RAPGEF6: variants seen among roughly 807,000 people sequenced by gnomAD.
RAPGEF6 encodes the protein PDZ domain containing guanine nucleotide exchange factor (GEF) 2.
Under a neutral mutation model 171.4 loss-of-function variants are expected in RAPGEF6, and 56 were observed. The ratio of observed to expected loss-of-function variants is 0.33; its 90% CI spans 0.26 to 0.41. The LOEUF (loss-of-function observed/expected upper bound fraction) is 0.41, where lower values mean the gene tolerates loss of function less well. Among genes scored for constraint, RAPGEF6 ranks in the 10% least tolerant of loss-of-function variants. The probability of loss-of-function intolerance (pLI) is 1.00; values close to 1 mark genes in which losing one functional copy is unlikely to be tolerated. For synonymous variants in RAPGEF6, 692 were observed against 650.1 expected, an observed-to-expected ratio of 1.06 and a Z score of -0.98; for missense variants, 1,674 against 1,921.4, an observed-to-expected ratio of 0.87 and a Z score of 2.41.
intron 4 of RAPGEF6, among the ~76,000 whole-genome samples, chr5:131,579,747 C>T (rs1164105183): frequency 6.6e-6 from 1 of 152,222 alleles, no homozygotes; most frequent in Admixed American, 6.5e-5. Context: ...GGTGCATTTA[C>T]AAACCTTTAG....
chr5:131,562,644 T>C (rs1224375459), intron 4 of RAPGEF6, among the ~76,000 whole-genome samples: 1 of 152,214 alleles, frequency 6.6e-6, no homozygotes, highest in Non-Finnish European at 1.5e-5. Flanking sequence ...CCATATGCTT[T>C]AAATCAACTT....
Position 131,604,683 on chromosome 5 carries a change from G to A in RAPGEF6, c.80C>T (p.Thr27Ile). Residue 27 changes from threonine (T) to isoleucine (I), a missense_variant, in exon 2 of 28, where the codon ACT becomes ATT. Coordinates refer to ENST00000509018, the MANE Select transcript of RAPGEF6 (RefSeq NM_016340.6). ...PPERTPEDLN[T>I]IYSYLHGMEI... Reference sequence around the variant, plus strand: ...CATTCCATGAAGATAAGAATAAATAGTATTTAAGTCCTGTGGAACAGAAGA... The same window carrying A: ...CATTCCATGAAGATAAGAATAAATAATATTTAAGTCCTGTGGAACAGAAGA... 6.2e-7 allele frequency: 1 copy of A among 1,609,330 alleles called. No individual in the cohort carries two copies. The highest frequency in any genetic ancestry group is 1.1e-5 in the South Asian group (1 of 90,418).
chr5:131,446,654 C>T lies in RAPGEF6; in HGVS notation c.3250G>A (p.Gly1084Ser), dbSNP rs1752719654. ...TNSNMLDVQG[G>S]AHKKRARRSS... ...CGGCGTGCCCTTTTTTTGTGAGCAC[C>T]TCCCTGAACATCCAGCATGTTTGAA... The change falls in exon 22 of 28, where the codon GGT (glycine) becomes AGT (serine). Residue 1084 changes from glycine (G) to serine (S), a missense_variant. Gly to Ser is a moderately conservative substitution (Grantham distance 56). Around this residue, in one of 3 missense-constraint regions of RAPGEF6, gnomAD observed 1,116 missense variants for 1,321.5 expected, o/e 0.84. Coordinates refer to ENST00000509018, the MANE Select transcript of RAPGEF6 (RefSeq NM_016340.6). 6.2e-7 allele frequency: 1 copy of T among 1,614,180 alleles called. No individual in the cohort carries two copies. Among genetic ancestry groups the T allele is most frequent in the Middle Eastern group, 1.6e-4 (1 of 6,062 alleles).
At chr5:131,548,359 A>T (rs1378532148) in intron 5 of RAPGEF6, among the ~76,000 whole-genome samples, 169 bp from the exon 6 acceptor site, 1 of 152,214 alleles carries the variant, frequency 6.6e-6, no homozygotes, top group Non-Finnish European at 1.5e-5. Flanking sequence ...ATTAGAGGTG[A>T]TGTTATTATA....
At chr5:131,611,239 A>C (rs1764916642) in intron 1 of RAPGEF6, among the ~76,000 whole-genome samples, 1 of 152,236 alleles carries the variant, frequency 6.6e-6, no homozygotes, top group Non-Finnish European at 1.5e-5. Context: ...AATTCCTTGC[A>C]TGTCTAATAT....
In RAPGEF6 at chr5:131,471,343, G is replaced by C. The variant is rs76297830; in HGVS notation, c.2239+1244C>G. Among the ~76,000 whole-genome samples the C allele has an allele frequency of 6.3e-3, 956 of 152,272 alleles. 5 individuals carry two copies. The highest frequency in any genetic ancestry group is 0.022 in the African/African-American group (908 of 41,538). On this transcript the variant is annotated intron_variant, in intron 17 of 27. Transcript: ENST00000509018. ...AATATAAAGGAAGAAACCATGTGCAGAATGACCTTCACTAAACTGTTATTA... is the reference window on the plus strand; with the variant it reads ...AATATAAAGGAAGAAACCATGTGCACAATGACCTTCACTAAACTGTTATTA...
At chr5:131,450,661 A>G (rs908585254) in intron 21 of RAPGEF6, among the ~76,000 whole-genome samples, 1 of 152,148 alleles carries the variant, frequency 6.6e-6, no homozygotes, top group Non-Finnish European at 1.5e-5. Flanking sequence ...TAAGTCTGCA[A>G]ATTGATTACT....
At chr5:131,471,704 A>G (rs994224951) in intron 17 of RAPGEF6, among the ~76,000 whole-genome samples, 2 of 152,056 alleles carry the variant, frequency 1.3e-5, no homozygotes, top group Admixed American at 6.6e-5. Flanking sequence ...TAGATTATAT[A>G]ACTGTGACAA....
At chr5:131,619,357 A>T (rs1422790023) in intron 1 of RAPGEF6, among the ~76,000 whole-genome samples, 1 of 152,140 alleles carries the variant, frequency 6.6e-6, no homozygotes, top group Non-Finnish European at 1.5e-5. Flanking sequence ...AGGATAAATA[A>T]TACCTAATGT....
At chr5:131,497,046 T>C (rs1266000111) in intron 12 of RAPGEF6, among the ~76,000 whole-genome samples, 1 of 152,226 alleles carries the variant, frequency 6.6e-6, no homozygotes, top group Non-Finnish European at 1.5e-5. Flanking sequence ...TTTTTCTTTT[T>C]TCCCCCTTTT....
chr5:131,558,244 T>C lies in RAPGEF6; in HGVS notation c.351+3734A>G, dbSNP rs147991040. 4.3e-3 allele frequency among the ~76,000 whole-genome samples: 652 copies of C among 151,934 alleles called. 11 individuals carry two copies. Among genetic ancestry groups the C allele is most frequent in the African/African-American group, 0.015 (631 of 41,498 alleles). On this transcript the variant is annotated intron_variant, in intron 5 of 27. Coordinates refer to ENST00000509018, the MANE Select transcript of RAPGEF6 (RefSeq NM_016340.6). ...TTTTTTTTTTTTTTTTCCAAGGAAT[T>C]TGACTAAAACTTCAAACTTACTTGC...
In RAPGEF6 at chr5:131,521,484, T is replaced by C; in HGVS notation, c.533A>G (p.Asn178Ser). The change falls in exon 7 of 28, where the codon AAC becomes AGC. Residue 178 changes from asparagine (N) to serine (S), a missense_variant. Asn to Ser is a conservative substitution (Grantham distance 46). This residue lies in a region of RAPGEF6 where 1,116 missense variants were observed against 1,321.5 expected (regional missense o/e 0.84). Transcript: ENST00000509018. ...CACATGAGTCACCTGTGGATGAGGG[T>C]TTTCTGTGAGATGCATCTTGGTAAG... ...ADLTKMHLTE[N>S]PHPQVTHVSS... The C allele has an allele frequency of 1.2e-6, 2 of 1,611,976 alleles. No individual in the cohort carries two copies. Among genetic ancestry groups the C allele is most frequent in the South Asian group, 1.1e-5 (1 of 90,780 alleles).
chr5:131,502,900 G>A (rs533496469), intron 11 of RAPGEF6, among the ~76,000 whole-genome samples: 94 of 152,276 alleles, frequency 6.2e-4, no homozygotes, highest in Middle Eastern at 3.4e-3. Flanking sequence ...CTGGGTCCAG[G>A]CAATTCTCCT....
intron 15 of RAPGEF6, among the ~76,000 whole-genome samples, chr5:131,487,065 G>C (rs566614613): frequency 6.6e-6 from 1 of 152,098 alleles, no homozygotes; most frequent in South Asian, 2.1e-4. Flanking sequence ...TCCTGGTCTC[G>C]CTGACTTCAA....
chr5:131,504,650 G>C lies in RAPGEF6; in HGVS notation c.1230C>G (p.Thr410=). The C allele has an allele frequency of 6.2e-7, 1 of 1,610,122 alleles. No homozygotes were observed. Among genetic ancestry groups the C allele is most frequent in the Non-Finnish European group, 8.5e-7 (1 of 1,178,768 alleles). The stretch of plus-strand genomic sequence containing the variant: ...CCTTGATCACAATGTGTCCTTTCCT[G>C]GTTCCACTCCGGTCTAGTTCCCGAT... The part of the protein sequence containing the change: ...HEHRELDRSG[T]RKGHIVIKAT... Residue 410 remains threonine, a synonymous_variant, in exon 11 of 28, where the codon ACC becomes ACG. Transcript: ENST00000509018.
At chr5:131,606,618 C>A (rs963662285) in intron 1 of RAPGEF6, among the ~76,000 whole-genome samples, 2 of 152,146 alleles carry the variant, frequency 1.3e-5, no homozygotes, top group Admixed American at 6.5e-5. Context: ...TATTTCTTAT[C>A]CCATATGCTC....
intron 25 of RAPGEF6, 82 bp downstream of exon 25, chr5:131,433,348 T>G: frequency 8.1e-7 from 1 of 1,236,120 alleles, no homozygotes; most frequent in Non-Finnish European, 1.2e-6. Flanking sequence ...CCATGGGAGG[T>G]CCAAGGTCAA....
At chr5:131,592,504 C>A in intron 3 of RAPGEF6, 38 bp from the exon 4 acceptor site, 2 of 1,596,482 alleles carry the variant, frequency 1.3e-6, no homozygotes, top group Non-Finnish European at 1.7e-6. Flanking sequence ...AGCAAAACAA[C>A]ACACATGTTC....
chr5:131,620,611 GAC>G (rs1395046540), intron 1 of RAPGEF6, among the ~76,000 whole-genome samples: 1 of 147,468 alleles, frequency 6.8e-6, no homozygotes, highest in African/African-American at 2.5e-5. Context: ...TTTTTTTTGA[GAC>G]ACAGTCTCAC....
Sources: gnomAD v4.1 joint callset for allele counts (sites outside exome capture counted in the v4.1 genomes callset) on GRCh38, gnomAD v4.1.1 for gene constraint, gnomAD v4.1.1 regional missense constraint, MANE v1.5 for transcripts, NCBI Gene and HGNC (gene_info 2026-07-23, HGNC 2026-07-21) for gene names.